The following ATXN2 variants were observed in gnomAD, a reference collection of about 807,000 sequenced individuals.
ATXN2 encodes ataxin-2.
A neutral mutation model predicts 138.6 loss-of-function variants in ATXN2; 37 were observed. The ratio of observed to expected loss-of-function variants is 0.27; its 90% CI spans 0.21 to 0.35. The LOEUF is 0.35. Ranked by LOEUF, ATXN2 falls within the 10% of genes least tolerant of loss-of-function variation. The pLI, the probability that ATXN2 is intolerant of heterozygous loss-of-function variation, is 1.00. For missense variants in ATXN2, 1,216 were observed against 1,480.3 expected (o/e 0.82, Z 2.93); for synonymous variants, 549 against 543.7 (o/e 1.01, Z -0.13).
Position 111,454,005 on chromosome 12 carries a change from T to C in ATXN2, c.3271-160A>G. ...GGGACAATCTCTAGTAGATTATCTA[T>C]TGACCTGAAGACGCGCTTCACCTTT... On this transcript the variant is annotated intron_variant, in intron 23 of 24. Transcript: ENST00000673436. The C allele has an allele frequency of 3.7e-5, 26 of 703,480 alleles. No homozygotes were observed. The South Asian group carries it at 4.3e-4, about 12-fold the overall frequency. 43.6% of individuals were successfully genotyped at this position (703,480 alleles called of 1,614,324 possible). A position where few individuals can be genotyped will look rare whatever the true frequency, so the allele number is the denominator to read the frequency against.
intron 14 of ATXN2, among the ~76,000 whole-genome samples, chr12:111,490,496 C>T (rs956197129): frequency 1.3e-5 from 2 of 151,994 alleles, no homozygotes; most frequent in East Asian, 3.9e-4. Flanking sequence ...ACATATTGGT[C>T]AGTTAGACAT....
chr12:111,509,869 T>G (rs771037091), intron 13 of ATXN2, 22 bp downstream of exon 13: 6 of 1,534,182 alleles, frequency 3.9e-6, no homozygotes, highest in African/African-American at 1.4e-5. Context: ...CAGTTAAGCT[T>G]AATGACTCTT....
intron 20 of ATXN2, among the ~76,000 whole-genome samples, chr12:111,466,353 T>C (rs1328437192): frequency 2.0e-5 from 3 of 150,940 alleles, no homozygotes; most frequent in East Asian, 3.9e-4. Context: ...TACAAAAAAT[T>C]AGCCGGGCAT....
chr12:111,463,044 A>C (rs1345028509), intron 21 of ATXN2, among the ~76,000 whole-genome samples: 1 of 152,048 alleles, frequency 6.6e-6, no homozygotes, highest in African/African-American at 2.4e-5. Context: ...TTGGATACCA[A>C]GTCATGGCAT....
chr12:111,525,079 C>T (rs1396974981), intron 6 of ATXN2, 113 bp downstream of exon 6: 15 of 1,361,020 alleles, frequency 1.1e-5, no homozygotes, highest in Non-Finnish European at 9.8e-7. Flanking sequence ...ACCTGCTGCT[C>T]TAAATACACT....
At chr12:111,596,205 A>AAC (rs35316415) in intron 1 of ATXN2, among the ~76,000 whole-genome samples, 8,011 of 141,716 alleles carry the variant, frequency 0.057, 206 homozygotes, top group Middle Eastern at 0.079. Context: ...TTCCATCCAA[A>AAC]ACACACACAC....
At position 111,525,427 on chromosome 12, in the gene ATXN2, T is replaced by C. The variant is rs1045978616; in HGVS notation, c.572-111A>G. The C allele has an allele frequency of 1.1e-5, 13 of 1,183,176 alleles. No homozygotes were observed. The South Asian group carries it at 2.0e-4, about 18-fold the overall frequency. The allele number at this position is 1,183,176 out of a possible 1,614,324, so 73.3% of individuals were successfully genotyped here. Reference sequence around the variant, plus strand: ...TTAAAAAACAATTACGAAAAATGAATTTCACATAATTGTTTAACTTAAAAT... The same window carrying C: ...TTAAAAAACAATTACGAAAAATGAACTTCACATAATTGTTTAACTTAAAAT... On this transcript the variant is annotated intron_variant, in intron 5 of 24. Coordinates refer to ENST00000673436, the MANE Select transcript of ATXN2 (RefSeq NM_001372574.1).
rs748376205 is a variant in ATXN2 at position 111,552,987 on chromosome 12, T to C, written c.349-10A>G. On this transcript the variant is annotated splice_polypyrimidine_tract_variant and intron_variant, in intron 3 of 24. Transcript: ENST00000673436. The surrounding 1 kb of genome is among the most constrained non-coding windows in gnomAD (Gnocchi z 4.1). Reference sequence around the variant, plus strand: ...CTTCACATTTGGAGCCCTAAAAACATATAATTTATTTATCAAAGAAACAGT... The same window carrying C: ...CTTCACATTTGGAGCCCTAAAAACACATAATTTATTTATCAAAGAAACAGT... 1.3e-6 allele frequency: 2 copies of C among 1,516,826 alleles called. No homozygotes were observed. Among genetic ancestry groups the C allele is most frequent in the South Asian group, 1.3e-5 (1 of 77,230 alleles). The allele number at this position is 1,516,826 out of a possible 1,614,324, so 94.0% of individuals were successfully genotyped here. A position where few individuals can be genotyped will look rare whatever the true frequency, so the allele number is the denominator to read the frequency against.
intron 8 of ATXN2, 80 bp from the exon 9 acceptor site, chr12:111,518,507 A>T (rs1879979032): frequency 1.4e-6 from 2 of 1,391,636 alleles, no homozygotes; most frequent in Non-Finnish European, 1.9e-6. Flanking sequence ...TCATCTAGAC[A>T]GAAGGGAATG....
At chr12:111,509,794 G>T in intron 13 of ATXN2, 97 bp downstream of exon 13, 1 of 1,047,344 alleles carries the variant, frequency 9.5e-7, no homozygotes, top group Non-Finnish European at 1.4e-6. Context: ...ACAATAGTAA[G>T]AAGAAATGTT....
At chr12:111,484,984 T>C in intron 18 of ATXN2, 1 of 283,994 alleles carries the variant, frequency 3.5e-6, no homozygotes, top group Non-Finnish European at 6.6e-6. Flanking sequence ...TGCCTTGGCC[T>C]CCCAAAGTGC....
At chr12:111,560,655 T>C (rs1289547223) in intron 1 of ATXN2, among the ~76,000 whole-genome samples, 2 of 152,038 alleles carry the variant, frequency 1.3e-5, no homozygotes, top group Admixed American at 1.3e-4. Flanking sequence ...AGCCAGTCAT[T>C]AGACAAATAA....
At chr12:111,485,368 C>G in intron 17 of ATXN2, 37 bp from the exon 18 acceptor site, 1 of 1,542,100 alleles carries the variant, frequency 6.5e-7, no homozygotes, top group Non-Finnish European at 8.9e-7. Flanking sequence ...CATTAGGCAC[C>G]TATGATAATA....
At chr12:111,482,473 G>A (rs1373369719) in intron 18 of ATXN2, among the ~76,000 whole-genome samples, 1 of 151,976 alleles carries the variant, frequency 6.6e-6, no homozygotes, top group Non-Finnish European at 1.5e-5. Flanking sequence ...GATTACAGGC[G>A]TGAGCCACCG....
At chr12:111,556,463 C>T (rs777040077) in intron 1 of ATXN2, among the ~76,000 whole-genome samples, 1 of 152,114 alleles carries the variant, frequency 6.6e-6, no homozygotes, top group Non-Finnish European at 1.5e-5. Context: ...CTTGATTTAA[C>T]CAACACAGAT....
intron 5 of ATXN2, among the ~76,000 whole-genome samples, chr12:111,528,925 T>C (rs935623093): frequency 6.6e-6 from 1 of 152,218 alleles, no homozygotes; most frequent in African/African-American, 2.4e-5. Context: ...TGTTTTACAG[T>C]GGTTACAAGT....
intron 14 of ATXN2, among the ~76,000 whole-genome samples, chr12:111,491,026 C>T (rs752227315): frequency 3.3e-5 from 5 of 151,964 alleles, no homozygotes; most frequent in African/African-American, 7.3e-5. Flanking sequence ...CCGAGGCGGA[C>T]GGATAACCTG....
rs150656210 is a variant in ATXN2 at position 111,489,568 on chromosome 12, C to T, written c.1936-788G>A. Among the ~76,000 whole-genome samples, 1,205 of 151,162 alleles carry T rather than the reference C, an allele frequency of 8.0e-3. 17 individuals carry two copies. Among genetic ancestry groups the T allele is most frequent in the African/African-American group, 0.028 (1,154 of 41,062 alleles). ...GTGGAGCTGCAGTGAGCCAAGATCA[C>T]GCCACTGCACTCCAGCCTGGGTGAC... On this transcript the variant is annotated intron_variant, in intron 14 of 24. Coordinates refer to ENST00000673436, the MANE Select transcript of ATXN2 (RefSeq NM_001372574.1).
At chr12:111,487,797 T>C (rs920664306) in intron 15 of ATXN2, among the ~76,000 whole-genome samples, 2 of 152,082 alleles carry the variant, frequency 1.3e-5, no homozygotes, top group Non-Finnish European at 2.9e-5. Context: ...TGTGAGAAGA[T>C]ATTTTACATG....
Sources: allele counts gnomAD v4.1 joint callset (sites outside exome capture counted in the v4.1 genomes callset), GRCh38; gene constraint gnomAD v4.1.1; non-coding constraint Gnocchi (gnomAD v3.1); transcripts MANE v1.5; gene names NCBI Gene and HGNC (gene_info 2026-07-23, HGNC 2026-07-21).